The following DLG2 variants were observed in gnomAD, a reference collection of about 807,000 sequenced individuals.
The protein encoded by DLG2 is disks large homolog 2.
In DLG2, 45 loss-of-function variants were observed where a neutral mutation model predicts 132.5. The ratio of observed to expected loss-of-function variants is 0.34; its 90% CI spans 0.27 to 0.44. The LOEUF is 0.44. DLG2 is among the 20% of genes least tolerant of loss of function. The probability of loss-of-function intolerance (pLI) is 1.00; values close to 1 mark genes in which losing one functional copy is unlikely to be tolerated. For synonymous variants in DLG2, 424 were observed against 419.6 expected, an observed-to-expected ratio of 1.01 and a Z score of -0.13; for missense variants, 1,045 against 1,196.9, an observed-to-expected ratio of 0.87 and a Z score of 1.87.
chr11:84,638,467 G>T (rs2099644506), intron 6 of DLG2, among the ~76,000 whole-genome samples: 1 of 152,188 alleles, frequency 6.6e-6, no homozygotes, highest in African/African-American at 2.4e-5. Context: ...TGGAAGGGAA[G>T]AAGTTAAGAC....
intron 6 of DLG2, among the ~76,000 whole-genome samples, chr11:84,883,440 C>T (rs1394161728): frequency 1.3e-5 from 2 of 151,676 alleles, no homozygotes; most frequent in Non-Finnish European, 2.9e-5. Context: ...CAAACCAGCA[C>T]GTTCTGCACA....
At chr11:84,960,830 C>A (rs1465736919) in intron 6 of DLG2, among the ~76,000 whole-genome samples, 1 of 151,882 alleles carries the variant, frequency 6.6e-6, no homozygotes, top group Non-Finnish European at 1.5e-5. Context: ...ATGACAATGA[C>A]AATAGTTAAA....
chr11:84,683,242 A>T (rs545936927), intron 6 of DLG2, among the ~76,000 whole-genome samples: 1 of 152,136 alleles, frequency 6.6e-6, no homozygotes, highest in South Asian at 2.1e-4. Context: ...GTTGTGACCA[A>T]CTAAGAGAAT....
chr11:85,214,979 A>G (rs1385942030), intron 4 of DLG2, among the ~76,000 whole-genome samples: 1 of 152,174 alleles, frequency 6.6e-6, no homozygotes, highest in East Asian at 1.9e-4. Flanking sequence ...CTGGCCCCAA[A>G]TATCAATTCC....
chr11:85,068,184 C>T (rs1033358139), intron 6 of DLG2, among the ~76,000 whole-genome samples: 4 of 152,070 alleles, frequency 2.6e-5, no homozygotes, highest in Admixed American at 6.6e-5. Context: ...GACAAACCCA[C>T]AGCCAATATC....
chr11:84,871,608 A>C (rs912289331), intron 6 of DLG2, among the ~76,000 whole-genome samples: 1 of 152,206 alleles, frequency 6.6e-6, no homozygotes. Context: ...GCAAAAAAGC[A>C]AGCTGAAAAG....
intron 15 of DLG2, among the ~76,000 whole-genome samples, chr11:83,927,759 C>A (rs1354651623): frequency 2.0e-5 from 3 of 151,680 alleles, no homozygotes; most frequent in East Asian, 1.9e-4. Context: ...AATGGTGAGA[C>A]CAATTAAGAA....
chr11:83,814,392 T>C (rs113833393), intron 17 of DLG2, among the ~76,000 whole-genome samples: 2,392 of 152,320 alleles, frequency 0.016, 18 homozygotes, highest in Non-Finnish European at 0.024. Flanking sequence ...AAAAGGTTTA[T>C]ATATAATCCC....
chr11:84,252,856 G>A (rs1414486014), intron 7 of DLG2, among the ~76,000 whole-genome samples: 1 of 152,176 alleles, frequency 6.6e-6, no homozygotes, highest in Non-Finnish European at 1.5e-5. Context: ...CGACATGGTG[G>A]TTTTGGAAAG....
chr11:85,335,807 C>A (rs1055490614), intron 3 of DLG2, among the ~76,000 whole-genome samples: 1 of 151,120 alleles, frequency 6.6e-6, no homozygotes, highest in South Asian at 2.1e-4. Flanking sequence ...GGGTGGGGGA[C>A]TAGGGGAGGG....
chr11:84,901,420 A>G (rs969971746), intron 6 of DLG2, among the ~76,000 whole-genome samples: 12 of 152,106 alleles, frequency 7.9e-5, no homozygotes, highest in African/African-American at 2.2e-4. Context: ...TACTAAAGAG[A>G]TAAGTTGGTT....
intron 3 of DLG2, among the ~76,000 whole-genome samples, chr11:85,379,679 C>T (rs911388918): frequency 2.0e-5 from 3 of 152,150 alleles, no homozygotes; most frequent in Non-Finnish European, 4.4e-5. Context: ...TAAACACTAT[C>T]TAATCCAGGC....
chr11:84,842,763 G>C (rs2080867219), intron 6 of DLG2, among the ~76,000 whole-genome samples: 2 of 151,746 alleles, frequency 1.3e-5, no homozygotes, highest in Non-Finnish European at 2.9e-5. Flanking sequence ...ATCATTAAAG[G>C]AGAGGGTATA....
At chr11:84,835,446 T>C (rs1388079007) in intron 6 of DLG2, among the ~76,000 whole-genome samples, 3 of 151,728 alleles carry the variant, frequency 2.0e-5, no homozygotes, top group Non-Finnish European at 2.9e-5. Context: ...CATAGGGCTA[T>C]AGAAAAATTG....
intron 19 of DLG2, among the ~76,000 whole-genome samples, chr11:83,587,731 G>C (rs912455807): frequency 6.6e-6 from 1 of 152,126 alleles, no homozygotes; most frequent in African/African-American, 2.4e-5. Flanking sequence ...CTGAGGTACC[G>C]GGTTCATCTC....
chr11:84,619,046 T>G (rs2154540563), intron 6 of DLG2, among the ~76,000 whole-genome samples: 1 of 152,128 alleles, frequency 6.6e-6, no homozygotes, highest in South Asian at 2.1e-4. Flanking sequence ...ACTTACCTAA[T>G]GAATATAATT....
At chr11:83,643,764 A>T (rs6592135) in intron 18 of DLG2, 1 of 152,114 alleles carries the variant, frequency 6.6e-6, no homozygotes, top group African/African-American at 2.4e-5. Context: ...GGAGGCTCAC[A>T]GAGGCTAGTC....
At chr11:83,657,511 C>T (rs115792191) in intron 18 of DLG2, among the ~76,000 whole-genome samples, 4,034 of 148,514 alleles carry the variant, frequency 0.027, 179 homozygotes, top group African/African-American at 0.095. Context: ...ACCAGTAGTC[C>T]GTGCTTTTAT....
At chr11:84,707,464 A>G (rs2059905250) in intron 6 of DLG2, among the ~76,000 whole-genome samples, 1 of 151,830 alleles carries the variant, frequency 6.6e-6, no homozygotes, top group Non-Finnish European at 1.5e-5. Context: ...GGAAGTATCA[A>G]GGTAATATCC....
Sources: allele counts gnomAD v4.1 joint callset (sites outside exome capture counted in the v4.1 genomes callset), GRCh38; gene constraint gnomAD v4.1.1; transcripts MANE v1.5; gene names NCBI Gene and HGNC (gene_info 2026-07-23, HGNC 2026-07-21).